The following DAB2 variants were observed in gnomAD, a reference collection of about 807,000 sequenced individuals.
DAB2 encodes DAB adaptor protein 2, also known as disabled homolog 2.
DAB2 carries 28 observed loss-of-function variants against 71.6 expected under a neutral mutation model. That is an observed-to-expected ratio of 0.39 (90% CI 0.29 to 0.54). The LOEUF (loss-of-function observed/expected upper bound fraction) is 0.54, where lower values mean the gene tolerates loss of function less well. Among genes scored for constraint, DAB2 ranks in the 20% least tolerant of loss-of-function variants. DAB2 has a pLI of 0.68. For synonymous variants in DAB2, 345 were observed against 339.7 expected, an observed-to-expected ratio of 1.02 and a Z score of -0.17; for missense variants, 867 against 928.8, an observed-to-expected ratio of 0.93 and a Z score of 0.86.
rs553851975 is a variant in DAB2, at chr5:39,373,218, A to G, written c.*213T>C. On this transcript the variant is annotated 3_prime_UTR_variant, in exon 15 of 15. Coordinates refer to ENST00000320816, the MANE Select transcript of DAB2 (RefSeq NM_001343.4). ...GCTAGAGAGTTTAGGATCTTAATTT[A>G]TTTAAAGCCATAGATTCAGTTTAGC... The G allele has an allele frequency of 6.6e-6, 1 of 152,510 alleles. No individual in the cohort carries two copies. Among genetic ancestry groups the G allele is most frequent in the South Asian group, 2.1e-4 (1 of 4,826 alleles). The allele number at this position is 152,510 out of a possible 1,614,324, so 9.4% of individuals were successfully genotyped here. A position where few individuals can be genotyped will look rare whatever the true frequency, so the allele number is the denominator to read the frequency against.
intron 12 of DAB2, 75 bp from the exon 13 acceptor site, chr5:39,376,181 T>G (rs1455689702): frequency 7.6e-6 from 9 of 1,186,188 alleles, no homozygotes; most frequent in Non-Finnish European, 9.8e-6. Context: ...GTCAGCTTAT[T>G]TTTGAAGTTT....
rs894672238 is a variant in DAB2 at position 39,377,210 on chromosome 5, G to A, written c.1577C>T (p.Ser526Leu). 1.9e-6 allele frequency: 3 copies of A among 1,614,056 alleles called. No individual in the cohort carries two copies. Among genetic ancestry groups the A allele is most frequent in the Non-Finnish European group, 2.5e-6 (3 of 1,180,016 alleles). ...TASLVFNQSP[S>L]MAPGAMMGGQ... ...ACCCATCATGGCTCCCGGAGCCATT[G>A]AAGGGGACTGATTGAAGACCAAAGA... The change falls in exon 12 of 15, where the codon TCA (serine) becomes TTA (leucine). Residue 526 changes from serine to leucine, a missense_variant. By Grantham distance (145) the Ser-to-Leu change is moderately radical (BLOSUM62 -2). Coordinates refer to ENST00000320816, the MANE Select transcript of DAB2 (RefSeq NM_001343.4).
chr5:39,373,917 T>G (rs912442344), intron 14 of DAB2, among the ~76,000 whole-genome samples: 3 of 152,190 alleles, frequency 2.0e-5, no homozygotes, highest in African/African-American at 7.2e-5. Context: ...AGCATTTCCT[T>G]GGCACCAAAG....
chr5:39,420,106 T>C (rs892754802), intron 1 of DAB2, among the ~76,000 whole-genome samples: 1 of 152,218 alleles, frequency 6.6e-6, no homozygotes, highest in East Asian at 1.9e-4. Context: ...CCAGCTGATG[T>C]TGATGCTGCT....
At chr5:39,423,439 C>A (rs1756033900) in intron 1 of DAB2, among the ~76,000 whole-genome samples, 1 of 64,912 alleles carries the variant, frequency 1.5e-5, no homozygotes, top group African/African-American at 6.2e-5. Context: ...GGGCGGGGCA[C>A]CTGGCTCAGA....
At chr5:39,374,740 C>A in intron 14 of DAB2, 1 of 338,912 alleles carries the variant, frequency 3.0e-6, no homozygotes, top group Non-Finnish European at 5.3e-6. Flanking sequence ...TTTTACTTCC[C>A]ACACAGAACT....
chr5:39,423,990 G>T (rs1267645279), intron 1 of DAB2: 2 of 152,188 alleles, frequency 1.3e-5, no homozygotes, highest in South Asian at 4.2e-4. Context: ...TTTCCCTTTG[G>T]ACTCAGCTCC....
At chr5:39,374,307 T>C (rs923784171) in intron 14 of DAB2, among the ~76,000 whole-genome samples, 2 of 142,394 alleles carry the variant, frequency 1.4e-5, no homozygotes, top group African/African-American at 5.1e-5. Context: ...CCCTACTAAA[T>C]TCAGTCTTTT....
rs773923533 is a variant in DAB2 at position 39,376,997 on chromosome 5, T to C, written c.1790A>G (p.Asn597Ser). Residue 597 changes from asparagine to serine, a missense_variant, in exon 12 of 15, where the codon AAT becomes AGT. Physicochemically the swap from Asn to Ser is conservative, Grantham distance 46. Coordinates refer to ENST00000320816, the MANE Select transcript of DAB2 (RefSeq NM_001343.4). ...TSPLGNPFQS[N>S]IFPAPAVSTQ... ...GGACACAGCAGGAGCTGGAAAAATA[T>C]TGCTCTGAAAAGGATTCCCCAAAGG... 3 of 1,613,942 alleles carry C rather than the reference T, an allele frequency of 1.9e-6. No homozygotes were observed. The highest frequency in any genetic ancestry group is 2.5e-6 in the Non-Finnish European group (3 of 1,179,976).
intron 1 of DAB2, among the ~76,000 whole-genome samples, chr5:39,420,340 C>T (rs1050183251): frequency 6.6e-6 from 1 of 152,152 alleles, no homozygotes; most frequent in Non-Finnish European, 1.5e-5. Flanking sequence ...CAAGAGACAA[C>T]ATTAAACCAT....
At chr5:39,374,893 A>T (rs1207811711) in intron 14 of DAB2, 121 bp downstream of exon 14, 3 of 692,550 alleles carry the variant, frequency 4.3e-6, no homozygotes, top group Admixed American at 2.8e-5. Context: ...CCTGTCGATT[A>T]CTCCTAAATT....
chr5:39,416,140 T>C lies in DAB2; in HGVS notation c.-102+8664A>G, dbSNP rs533275529. 4.6e-5 allele frequency among the ~76,000 whole-genome samples: 7 copies of C among 152,208 alleles called. No individual in the cohort carries two copies. In the South Asian group the frequency reaches 1.5e-3, roughly 32 times the overall value. On this transcript the variant is annotated intron_variant, in intron 1 of 14. Coordinates refer to ENST00000320816, the MANE Select transcript of DAB2 (RefSeq NM_001343.4). ...TGAGTTCCTCCTCCCTAAAAAGCTA[T>C]ACCACGTTGTATCATACATGTCCCT...
At chr5:39,409,084 G>A (rs945750354) in intron 1 of DAB2, among the ~76,000 whole-genome samples, 1 of 151,410 alleles carries the variant, frequency 6.6e-6, no homozygotes, top group African/African-American at 2.4e-5. Flanking sequence ...CCAAAAGAAG[G>A]CCTCCCAATA....
intron 1 of DAB2, among the ~76,000 whole-genome samples, chr5:39,419,979 G>T (rs574383883): frequency 6.6e-6 from 1 of 152,176 alleles, no homozygotes; most frequent in Admixed American, 6.5e-5. Context: ...TTCCACTGAA[G>T]AAGTGAATCC....
Position 39,389,917 on chromosome 5 carries a change from C to T in DAB2, c.478G>A (p.Val160Ile), listed in dbSNP as rs1755184425. The T allele has an allele frequency of 1.9e-6, 3 of 1,594,450 alleles. No homozygotes were observed. Among genetic ancestry groups the T allele is most frequent in the South Asian group, 2.3e-5 (2 of 88,806 alleles). The change falls in exon 6 of 15, where the codon GTT becomes ATT. Residue 160 changes from valine (V) to isoleucine (I), a missense_variant. Around this residue, in one of 2 missense-constraint regions of DAB2, gnomAD observed 740 missense variants for 734.3 expected, o/e 1.01. Coordinates refer to ENST00000320816, the MANE Select transcript of DAB2 (RefSeq NM_001343.4). ...ACTTGAAAAAGGTCTTTAAGATCAA[C>T]AACTAATGGTTCAGCCTGCAGTAAG... ...KTGQQAEPLV[V>I]DLKDLFQVIY...
intron 11 of DAB2, among the ~76,000 whole-genome samples, chr5:39,379,273 G>A (rs1561365640): frequency 6.6e-6 from 1 of 151,924 alleles, no homozygotes; most frequent in Non-Finnish European, 1.5e-5. Context: ...GGCCAACGTG[G>A]CGAAACCCTG....
At chr5:39,411,855 T>G (rs75201519) in intron 1 of DAB2, among the ~76,000 whole-genome samples, 1,580 of 152,288 alleles carry the variant, frequency 0.01, 35 homozygotes, top group African/African-American at 0.036. Flanking sequence ...GCAGTGTTTT[T>G]TTAACTAGCA....
chr5:39,383,321 C>T, intron 9 of DAB2, 50 bp from the exon 10 acceptor site: 1 of 1,385,700 alleles, frequency 7.2e-7, no homozygotes, highest in Non-Finnish European at 9.8e-7. Flanking sequence ...CATGTTGTGA[C>T]TTCAAATGAG....
rs566210223 is a variant in DAB2 at position 39,392,286 on chromosome 5, A to T, written c.330+79T>A. 1.2e-4 allele frequency: 117 copies of T among 1,011,912 alleles called. No individual in the cohort carries two copies. The African/African-American group carries it at 1.5e-3, about 13-fold the overall frequency. 62.7% of individuals were successfully genotyped at this position (1,011,912 alleles called of 1,614,324 possible). ...CCCCACAGAACTTTGAGAACGAAGA[A>T]GGGGAGCCGAAATTCAAGTAGCAAA... On this transcript the variant is annotated intron_variant, in intron 4 of 14. Transcript: ENST00000320816.
Sources: gnomAD v4.1 joint callset for allele counts (sites outside exome capture counted in the v4.1 genomes callset) on GRCh38, gnomAD v4.1.1 for gene constraint, gnomAD v4.1.1 regional missense constraint, MANE v1.5 for transcripts, NCBI Gene and HGNC (gene_info 2026-07-23, HGNC 2026-07-21) for gene names.